The following CDK12 variants were observed in gnomAD, a reference collection of about 807,000 sequenced individuals.
CDK12 encodes the protein cyclin dependent kinase 12.
CDK12 carries 17 observed loss-of-function variants against 133.8 expected under a neutral mutation model. That is an observed-to-expected ratio of 0.13 (90% CI 0.09 to 0.19). The LOEUF is 0.19. Ranked by LOEUF, CDK12 falls within the 10% of genes least tolerant of loss-of-function variation. The pLI, the probability that CDK12 is intolerant of heterozygous loss-of-function variation, is 1.00. For synonymous variants in CDK12, 694 were observed against 683.6 expected (o/e 1.02, Z -0.24); for missense variants, 1,508 against 1,818.7 (o/e 0.83, Z 3.11).
rs2055032463 is a variant in CDK12 at position 39,534,300 on chromosome 17, A to G, written c.*2984A>G. On this transcript the variant is annotated 3_prime_UTR_variant, in exon 14 of 14. Transcript: ENST00000447079. ...GTGTGTATATATAATATGCATATAT[A>G]GTTACCGTGCTAAAATGGTTACCAG... is the stretch of plus-strand genomic sequence containing the variant. 1 of 232,926 alleles carries G rather than the reference A, an allele frequency of 4.3e-6. No homozygotes were observed. The highest frequency in any genetic ancestry group is 5.6e-5 in the Admixed American group (1 of 17,770). The allele number at this position is 232,926 out of a possible 1,614,324, so 14.4% of individuals were successfully genotyped here.
intron 5 of CDK12, 66 bp downstream of exon 5, chr17:39,494,760 TC>T (rs2145919342): frequency 3.6e-6 from 4 of 1,115,804 alleles, no homozygotes; most frequent in Non-Finnish European, 3.8e-6. Flanking sequence ...TTTTTTTTTT[TC>T]TTTCTTTCTT....
At chr17:39,482,478 A>G (rs1258410238) in intron 2 of CDK12, among the ~76,000 whole-genome samples, 1 of 151,516 alleles carries the variant, frequency 6.6e-6, no homozygotes, top group South Asian at 2.1e-4. Context: ...GTACTTAACT[A>G]AACTTTTTTT....
intron 6 of CDK12, among the ~76,000 whole-genome samples, chr17:39,502,386 C>G (rs2052785292): frequency 1.3e-5 from 2 of 152,092 alleles, no homozygotes; most frequent in Non-Finnish European, 2.9e-5. Flanking sequence ...ATCTCCTGAC[C>G]TCGTGATCCG....
At chr17:39,493,801 C>T (rs971769462) in intron 4 of CDK12, among the ~76,000 whole-genome samples, 12 of 151,916 alleles carry the variant, frequency 7.9e-5, no homozygotes, top group Non-Finnish European at 1.6e-4. Context: ...TTGAGACCAT[C>T]CTGGCTAACA....
chr17:39,510,570 A>C (rs1349526140), intron 7 of CDK12, among the ~76,000 whole-genome samples: 2 of 149,960 alleles, frequency 1.3e-5, no homozygotes, highest in African/African-American at 2.4e-5. Context: ...GGAATAAATA[A>C]ATTAGAATGG....
At chr17:39,466,493 A>G (rs960083939) in intron 1 of CDK12, among the ~76,000 whole-genome samples, 3 of 151,368 alleles carry the variant, frequency 2.0e-5, no homozygotes, top group Admixed American at 1.3e-4. Context: ...ACATGCCTGT[A>G]ATCCCAGCTA....
At chr17:39,524,611 C>A in intron 11 of CDK12, 63 bp from the exon 12 acceptor site, 3 of 1,355,900 alleles carry the variant, frequency 2.2e-6, no homozygotes, top group Non-Finnish European at 2.1e-6. Flanking sequence ...TAATCCTTTG[C>A]TCCTCCATTC....
chr17:39,477,505 T>C (rs2050304430), intron 2 of CDK12, among the ~76,000 whole-genome samples: 1 of 152,140 alleles, frequency 6.6e-6, no homozygotes, highest in African/African-American at 2.4e-5. Flanking sequence ...CCCAAAGTGC[T>C]GGGATTACAG....
Position 39,490,610 on chromosome 17 carries a change from C to T in CDK12, c.1985C>T (p.Thr662Ile), listed in dbSNP as rs2051514010. ...KPVKKEKEQR[T>I]RHLLTDLPLP... ...GTGAAGAAAGAGAAGGAACAGAGGA[C>T]ACGTCACTTACTCACAGACCTTCCT... Residue 662 changes from threonine to isoleucine, a missense_variant, in exon 3 of 14, where the codon ACA becomes ATA. Thr to Ile is a moderately conservative substitution (Grantham distance 89). Coordinates refer to ENST00000447079, the MANE Select transcript of CDK12 (RefSeq NM_016507.4). 1 of 1,613,460 alleles carries T rather than the reference C, an allele frequency of 6.2e-7. No homozygotes were observed. Among genetic ancestry groups the T allele is most frequent in the African/African-American group, 1.3e-5 (1 of 74,874 alleles).
rs561243282 is a variant in CDK12 at position 39,462,256 on chromosome 17, C to T, written c.185C>T (p.Ser62Phe). Reference sequence around the variant, plus strand: ...GGGTTGGTGACCCCCGAAGCAGCATCCCTGGGCACAGTTATCAAACCTTTG... The same window carrying T: ...GGGTTGGTGACCCCCGAAGCAGCATTCCTGGGCACAGTTATCAAACCTTTG... ...DMGLVTPEAA[S>F]LGTVIKPLVE... The change falls in exon 1 of 14, where the codon TCC becomes TTC. Residue 62 changes from serine to phenylalanine, a missense_variant. Around this residue, in one of 9 missense-constraint regions of CDK12, gnomAD observed 460 missense variants for 490.8 expected, o/e 0.94. Transcript: ENST00000447079. 3.7e-6 allele frequency: 6 copies of T among 1,614,202 alleles called. No individual in the cohort carries two copies. In the African/African-American group the frequency reaches 4.0e-5, roughly 11 times the overall value.
chr17:39,492,056 A>G (rs1433125912), intron 3 of CDK12, among the ~76,000 whole-genome samples: 1 of 148,478 alleles, frequency 6.7e-6, no homozygotes, highest in Non-Finnish European at 1.5e-5. Context: ...TGAAATCATC[A>G]TAAAAGAATC....
chr17:39,529,130 C>A (rs2054670496), intron 13 of CDK12, among the ~76,000 whole-genome samples: 1 of 152,086 alleles, frequency 6.6e-6, no homozygotes, highest in Admixed American at 6.5e-5. Context: ...CTGAACTGTC[C>A]CGGTTTTAAA....
chr17:39,481,111 G>A (rs938590383), intron 2 of CDK12, among the ~76,000 whole-genome samples: 3 of 151,886 alleles, frequency 2.0e-5, no homozygotes, highest in African/African-American at 4.8e-5. Flanking sequence ...AAATAAGCAG[G>A]GTTTGGTGGC....
chr17:39,548,626 G>A (rs1226652442), upstream of CDK12, among the ~76,000 whole-genome samples: 2 of 152,218 alleles, frequency 1.3e-5, no homozygotes, highest in Non-Finnish European at 2.9e-5. Flanking sequence ...TCTAGTGGAT[G>A]TTTGCAGCCT....
intron 6 of CDK12, among the ~76,000 whole-genome samples, chr17:39,504,879 CA>C (rs141083545): frequency 2.1e-3 from 88 of 42,486 alleles, no homozygotes; most frequent in African/African-American, 6.2e-3. Context: ...GACCCTGTCT[CA>C]AAAAAAAAAA....
Position 39,471,521 on chromosome 17 carries a change from A to G in CDK12, c.1689A>G (p.Gln563=). Residue 563 remains glutamine, a synonymous_variant, in exon 2 of 14, where the codon CAA becomes CAG. Transcript: ENST00000447079. The stretch of plus-strand genomic sequence containing the variant: ...CTCCAATACCAGCTCTTCCACAGCA[A>G]CCACCTCTGCCTCCTTCTCAGCCAG... ...PLPPIPALPQ[Q]PPLPPSQPAF... is the part of the protein sequence containing the mutation. The G allele has an allele frequency of 6.2e-7, 1 of 1,613,494 alleles. No homozygotes were observed.
intron 1 of CDK12, among the ~76,000 whole-genome samples, chr17:39,539,763 G>A (rs1023717425): frequency 3.9e-5 from 6 of 152,136 alleles, no homozygotes; most frequent in African/African-American, 9.7e-5. Flanking sequence ...AGAAATAATC[G>A]GAGAAAGTGG....
chr17:39,508,352 T>A (rs1266462475), intron 6 of CDK12, among the ~76,000 whole-genome samples: 1 of 152,174 alleles, frequency 6.6e-6, no homozygotes, highest in Admixed American at 6.5e-5. Flanking sequence ...TCCCAAGAAG[T>A]AGCAAGGCTG....
At chr17:39,518,170 G>T (rs751687209) in intron 10 of CDK12, among the ~76,000 whole-genome samples, 1 of 151,978 alleles carries the variant, frequency 6.6e-6, no homozygotes, top group Non-Finnish European at 1.5e-5. Flanking sequence ...GTAGAGACAG[G>T]GTTTCAGCAT....
Sources: allele counts gnomAD v4.1 joint callset (sites outside exome capture counted in the v4.1 genomes callset), GRCh38; gene constraint gnomAD v4.1.1; regional missense constraint gnomAD v4.1.1; transcripts MANE v1.5; gene names NCBI Gene and HGNC (gene_info 2026-07-23, HGNC 2026-07-21).